GAPVD1: variants seen among roughly 807,000 people sequenced by gnomAD.
GAPVD1 encodes GTPase-activating protein and VPS9 domain-containing protein 1.
A neutral mutation model predicts 155.5 loss-of-function variants in GAPVD1; 35 were observed. The observed-to-expected ratio is 0.23, with a 90% CI of 0.17 to 0.30. The LOEUF is 0.30. GAPVD1 is among the 10% of genes least tolerant of loss of function. The probability of loss-of-function intolerance (pLI) is 1.00; values close to 1 mark genes in which losing one functional copy is unlikely to be tolerated. For synonymous variants in GAPVD1, 636 were observed against 619.7 expected (o/e 1.03, Z -0.39); for missense variants, 1,429 against 1,775.7 (o/e 0.80, Z 3.51).
Position 125,354,684 on chromosome 9 carries a change from T to A in GAPVD1, c.3600T>A (p.Thr1200=). 6.2e-7 allele frequency: 1 copy of A among 1,613,552 alleles called. No individual in the cohort carries two copies. Among genetic ancestry groups the A allele is most frequent in the Non-Finnish European group, 8.5e-7 (1 of 1,179,480 alleles). Residue 1200 remains threonine, a synonymous_variant, in exon 24 of 28, where the codon ACT becomes ACA. Transcript: ENST00000297933. The part of the protein sequence containing the change: ...RKRAPYIAYL[T]RCRQGLQTTQ... ...GAGCCCCATATATTGCTTATCTCAC[T>A]CGTTGTCGACAAGGACTACAGACCA...
At chr9:125,280,304 G>A (rs1432589455) in intron 2 of GAPVD1, among the ~76,000 whole-genome samples, 3 of 148,228 alleles carry the variant, frequency 2.0e-5, no homozygotes, top group Non-Finnish European at 3.0e-5. Flanking sequence ...GCTGAGGCAG[G>A]AGAATCGCTT....
chr9:125,301,002 AT>A (rs894836041), intron 4 of GAPVD1, among the ~76,000 whole-genome samples: 1 of 151,934 alleles, frequency 6.6e-6, no homozygotes, highest in Non-Finnish European at 1.5e-5. Flanking sequence ...CATTTTTATT[AT>A]TTTTTAGTAC....
chr9:125,312,579 C>T lies in GAPVD1; in HGVS notation c.1569C>T (p.Pro523=). 1 of 1,593,672 alleles carries T rather than the reference C, an allele frequency of 6.3e-7. No homozygotes were observed. The highest frequency in any genetic ancestry group is 2.3e-5 in the East Asian group (1 of 44,380). Residue 523 remains proline, a synonymous_variant, in exon 9 of 28, where the codon CCC becomes CCT. Transcript: ENST00000297933. ...EVLVISLGTG[P]QLTPGMMSEN... Reference sequence around the variant, plus strand: ...TGGTCATTTCCTTAGGTACAGGTCCCCAGCTTACTCCAGGGATGATGTCAG... The same window carrying T: ...TGGTCATTTCCTTAGGTACAGGTCCTCAGCTTACTCCAGGGATGATGTCAG...
At chr9:125,271,504 T>C (rs895112059) in intron 2 of GAPVD1, among the ~76,000 whole-genome samples, 1 of 152,296 alleles carries the variant, frequency 6.6e-6, no homozygotes, top group African/African-American at 2.4e-5. Flanking sequence ...CTGCCAATCT[T>C]AATTTTAACA....
intron 19 of GAPVD1, 190 bp from the exon 20 acceptor site, chr9:125,346,629 T>C (rs1232192585): frequency 3.2e-6 from 2 of 621,188 alleles, no homozygotes; most frequent in African/African-American, 3.6e-5. Context: ...ATTTCCTGCT[T>C]TGGCAAGGCT....
At chr9:125,345,362 G>A (rs1848378945) in intron 19 of GAPVD1, among the ~76,000 whole-genome samples, 1 of 152,054 alleles carries the variant, frequency 6.6e-6, no homozygotes, top group Admixed American at 6.6e-5. Flanking sequence ...TGTATTTTTA[G>A]TAGAGTTGGG....
Position 125,365,714 on chromosome 9 carries a change from CTGTA to C in GAPVD1, c.*2969_*2972del, listed in dbSNP as rs1044528358. On this transcript the variant is annotated 3_prime_UTR_variant, in exon 28 of 28. Transcript: ENST00000297933. ...AGTGCAGTGCTGTGATCTCGGCTCA[CTGTA>C]ACCACCATCTCCCAGTCTCTAGTGA... 1.2e-4 allele frequency: 19 copies of C among 152,372 alleles called. No individual in the cohort carries two copies. The highest frequency in any genetic ancestry group is 1.1e-3 in the Admixed American group (17 of 15,302). 9.4% of individuals were successfully genotyped at this position (152,372 alleles called of 1,614,324 possible).
At chr9:125,352,629 A>ATGGAGACCTCTGACATGCCC (rs1407014013) in intron 23 of GAPVD1, among the ~76,000 whole-genome samples, 3 of 152,248 alleles carry the variant, frequency 2.0e-5, no homozygotes, top group African/African-American at 7.2e-5. Context: ...AGGGTCTGCC[A>ATGGAGACCTCTGACATGCCC]TGGAGACCTC....
intron 23 of GAPVD1, among the ~76,000 whole-genome samples, chr9:125,353,430 T>C (rs1174236488): frequency 6.6e-6 from 1 of 152,236 alleles, no homozygotes; most frequent in African/African-American, 2.4e-5. Context: ...TGTCTTCTTC[T>C]GAGCCCTCCA....
At chr9:125,292,367 C>CT (rs1838746603) in intron 2 of GAPVD1, among the ~76,000 whole-genome samples, 1 of 151,796 alleles carries the variant, frequency 6.6e-6, no homozygotes, top group East Asian at 1.9e-4. Context: ...AAATAAAGGG[C>CT]AGACTAAACT....
At chr9:125,342,389 C>G (rs1004743463) in intron 19 of GAPVD1, 90 bp downstream of exon 19, 1 of 774,424 alleles carries the variant, frequency 1.3e-6, no homozygotes, top group African/African-American at 1.7e-5. Flanking sequence ...CGTTGCCTTT[C>G]TAGAAGAGTG....
At chr9:125,325,878 C>T (rs1845097916) in intron 11 of GAPVD1, among the ~76,000 whole-genome samples, 2 of 152,164 alleles carry the variant, frequency 1.3e-5, no homozygotes, top group African/African-American at 4.8e-5. Context: ...TGGAAAATTT[C>T]AGAAATAATT....
intron 23 of GAPVD1, among the ~76,000 whole-genome samples, chr9:125,354,309 C>T (rs1849741170): frequency 6.6e-6 from 1 of 152,126 alleles, no homozygotes; most frequent in Non-Finnish European, 1.5e-5. Flanking sequence ...TGTCAATTTC[C>T]TATTAAGTAT....
At chr9:125,350,259 A>G in intron 21 of GAPVD1, 36 bp from the exon 22 acceptor site, 2 of 1,181,160 alleles carry the variant, frequency 1.7e-6, no homozygotes, top group South Asian at 1.3e-5. Flanking sequence ...CCATATCTGG[A>G]TAAAGAAATT....
At chr9:125,316,708 ATG>A (rs1271797783) in intron 9 of GAPVD1, among the ~76,000 whole-genome samples, 3 of 152,184 alleles carry the variant, frequency 2.0e-5, no homozygotes, top group African/African-American at 4.8e-5. Flanking sequence ...GTATGTGTGC[ATG>A]TGTCTTTATA....
intron 5 of GAPVD1, among the ~76,000 whole-genome samples, 153 bp from the exon 6 acceptor site, chr9:125,304,910 T>G (rs1841530756): frequency 6.6e-6 from 1 of 152,228 alleles, no homozygotes; most frequent in Admixed American, 6.5e-5. Context: ...ACACATTTTT[T>G]GGGGGATACT....
At chr9:125,306,083 A>G (rs552239811) in intron 6 of GAPVD1, among the ~76,000 whole-genome samples, 52 of 152,302 alleles carry the variant, frequency 3.4e-4, no homozygotes, top group Admixed American at 1.0e-3. Context: ...AAATTCAAGG[A>G]TATTTGAGTA....
In GAPVD1 at chr9:125,317,507, C is replaced by T. The variant is rs148429480; in HGVS notation, c.1603-3926C>T. Reference sequence around the variant, plus strand: ...AGGCCTGGTGGCACATGCCTGTAATCCCAGTTACTCGGGAGGCTGAGGTAG... The same window carrying T: ...AGGCCTGGTGGCACATGCCTGTAATTCCAGTTACTCGGGAGGCTGAGGTAG... On this transcript the variant is annotated intron_variant, in intron 9 of 27. Transcript: ENST00000297933. Among the ~76,000 whole-genome samples, 1,178 of 150,464 alleles carry T rather than the reference C, an allele frequency of 7.8e-3. 8 individuals are homozygous for T. The highest frequency in any genetic ancestry group is 0.01 in the Non-Finnish European group (698 of 67,660).
intron 22 of GAPVD1, 49 bp downstream of exon 22, chr9:125,350,453 C>T (rs1049073305): frequency 1.7e-6 from 2 of 1,190,924 alleles, no homozygotes; most frequent in African/African-American, 3.0e-5. Flanking sequence ...ATGGGTTGCA[C>T]CATATGAAAT....
Sources: gnomAD v4.1 joint callset for allele counts (sites outside exome capture counted in the v4.1 genomes callset) on GRCh38, gnomAD v4.1.1 for gene constraint, MANE v1.5 for transcripts, NCBI Gene and HGNC (gene_info 2026-07-23, HGNC 2026-07-21) for gene names.